ZCWPW2: variants seen among roughly 807,000 people sequenced by gnomAD.
The protein encoded by ZCWPW2 is zinc finger CW-type and PWWP domain containing 2, also known as zinc finger CW-type PWWP domain protein 2.
Under a neutral mutation model 46.6 loss-of-function variants are expected in ZCWPW2, and 45 were observed. The ratio of observed to expected loss-of-function variants is 0.96; its 90% CI spans 0.76 to 1.24. ZCWPW2 has a LOEUF of 1.24. Ranked by LOEUF, ZCWPW2 falls within the 50% of genes most tolerant of loss-of-function variation. ZCWPW2 has a pLI of 0.00. For synonymous variants in ZCWPW2, 152 were observed against 137.1 expected (o/e 1.11, Z -0.76); for missense variants, 429 against 403.9 (o/e 1.06, Z -0.53).
chr3:28,485,205 T>G (rs2125810502), intron 5 of ZCWPW2, among the ~76,000 whole-genome samples: 1 of 152,230 alleles, frequency 6.6e-6, no homozygotes, highest in Non-Finnish European at 1.5e-5. Flanking sequence ...GTATTTTGGA[T>G]TTCCACCTAT....
chr3:28,521,493 C>T (rs893460152), intron 9 of ZCWPW2, among the ~76,000 whole-genome samples: 2 of 152,150 alleles, frequency 1.3e-5, no homozygotes, highest in Admixed American at 6.5e-5. Context: ...AAAATCTGCC[C>T]CGTCTGGATT....
chr3:28,514,227 A>G (rs906330324), intron 7 of ZCWPW2, 105 bp downstream of exon 7: 23 of 691,902 alleles, frequency 3.3e-5, no homozygotes, highest in Non-Finnish European at 4.1e-5. Flanking sequence ...CTTTACGTCT[A>G]GTCAACCACT....
intron 2 of ZCWPW2, among the ~76,000 whole-genome samples, chr3:28,403,513 A>G (rs1339670561): frequency 1.3e-5 from 2 of 152,148 alleles, no homozygotes; most frequent in Admixed American, 1.3e-4. Flanking sequence ...TCAAAATACC[A>G]TCATCATTCT....
intron 4 of ZCWPW2, among the ~76,000 whole-genome samples, chr3:28,470,976 A>C (rs1246396694): frequency 6.6e-6 from 1 of 152,204 alleles, no homozygotes; most frequent in Non-Finnish European, 1.5e-5. Flanking sequence ...TACCATGAGC[A>C]ACTATATGCC....
intron 6 of ZCWPW2, among the ~76,000 whole-genome samples, chr3:28,513,701 C>G (rs1007861633): frequency 6.6e-6 from 1 of 152,024 alleles, no homozygotes; most frequent in Non-Finnish European, 1.5e-5. Flanking sequence ...ATATTAATAG[C>G]TTTGCATTTC....
intron 5 of ZCWPW2, among the ~76,000 whole-genome samples, chr3:28,490,043 A>G (rs13087598): frequency 9.9e-5 from 15 of 152,206 alleles, no homozygotes; most frequent in African/African-American, 3.6e-4. Context: ...GAAAACATAT[A>G]TGTGGCTAAT....
chr3:28,410,325 A>G (rs1696351763), intron 2 of ZCWPW2, among the ~76,000 whole-genome samples: 1 of 152,044 alleles, frequency 6.6e-6, no homozygotes, highest in South Asian at 2.1e-4. Context: ...GAGAAAATTA[A>G]CCCCACAATC....
chr3:28,469,039 T>A (rs1225476630), intron 4 of ZCWPW2, among the ~76,000 whole-genome samples: 1 of 152,100 alleles, frequency 6.6e-6, no homozygotes, highest in Non-Finnish European at 1.5e-5. Flanking sequence ...TAAAATAAGA[T>A]ATAAATAGAA....
chr3:28,361,125 G>T (rs1328445566), intron 1 of ZCWPW2, among the ~76,000 whole-genome samples: 1 of 152,032 alleles, frequency 6.6e-6, no homozygotes, highest in Non-Finnish European at 1.5e-5. Context: ...GAAATGCTCT[G>T]GTCTCAAGCA....
chr3:28,352,157 C>G (rs1049052814), intron 1 of ZCWPW2, among the ~76,000 whole-genome samples: 9 of 147,414 alleles, frequency 6.1e-5, no homozygotes, highest in African/African-American at 1.5e-4. Context: ...CACACACACA[C>G]ACACACACAC....
intron 5 of ZCWPW2, among the ~76,000 whole-genome samples, chr3:28,487,837 T>A (rs1469541374): frequency 6.6e-6 from 1 of 152,064 alleles, no homozygotes; most frequent in Non-Finnish European, 1.5e-5. Flanking sequence ...ACCCCCCTTT[T>A]TTTTCTTCAC....
At chr3:28,489,663 C>T (rs1001775277) in intron 5 of ZCWPW2, among the ~76,000 whole-genome samples, 10 of 58,966 alleles carry the variant, frequency 1.7e-4, no homozygotes, top group South Asian at 6.2e-4. Flanking sequence ...CACACACACA[C>T]GCGCGCACAC....
At chr3:28,384,836 G>A (rs896957314) in intron 1 of ZCWPW2, among the ~76,000 whole-genome samples, 5 of 151,916 alleles carry the variant, frequency 3.3e-5, no homozygotes, top group African/African-American at 9.7e-5. Context: ...GGCTGGTCTC[G>A]AACTCCTGAC....
chr3:28,494,416 C>T, intron 6 of ZCWPW2, among the ~76,000 whole-genome samples: 1 of 138,078 alleles, frequency 7.2e-6, no homozygotes, highest in Non-Finnish European at 1.6e-5. Context: ...GAATCCTTTC[C>T]CCATTGCTTG....
chr3:28,440,904 A>G (rs1228937246), intron 4 of ZCWPW2, among the ~76,000 whole-genome samples: 1 of 152,184 alleles, frequency 6.6e-6, no homozygotes, highest in African/African-American at 2.4e-5. Context: ...TCAACTAGCT[A>G]CCAGGTAGCT....
chr3:28,375,297 C>A (rs1705468524), intron 1 of ZCWPW2, among the ~76,000 whole-genome samples: 1 of 151,834 alleles, frequency 6.6e-6, no homozygotes, highest in Admixed American at 6.6e-5. Context: ...TTTATTAATT[C>A]AGCCACTCTC....
chr3:28,516,157 T>A (rs1286171208), intron 8 of ZCWPW2, among the ~76,000 whole-genome samples: 1 of 151,748 alleles, frequency 6.6e-6, no homozygotes, highest in Non-Finnish European at 1.5e-5. Flanking sequence ...GGAGAATCAC[T>A]TGAGCCTGGG....
At chr3:28,392,266 A>G (rs1231765249) in intron 2 of ZCWPW2, among the ~76,000 whole-genome samples, 4 of 152,214 alleles carry the variant, frequency 2.6e-5, no homozygotes, top group Non-Finnish European at 5.9e-5. Context: ...AAGAAGATAT[A>G]ACATCCATAA....
intron 3 of ZCWPW2, among the ~76,000 whole-genome samples, chr3:28,432,968 A>C (rs542546561): frequency 6.6e-6 from 1 of 152,212 alleles, no homozygotes; most frequent in South Asian, 2.1e-4. Context: ...GCCTTTTGTT[A>C]TTTTAGTAAC....
Sources: gnomAD v4.1 joint callset for allele counts (sites outside exome capture counted in the v4.1 genomes callset) on GRCh38, gnomAD v4.1.1 for gene constraint, MANE v1.5 for transcripts, NCBI Gene and HGNC (gene_info 2026-07-23, HGNC 2026-07-21) for gene names.